PHEX: variants seen among roughly 807,000 people sequenced by gnomAD.
PHEX encodes the protein phosphate-regulating neutral endopeptidase PHEX.
In PHEX, 16 loss-of-function variants were observed where a neutral mutation model predicts 68.0. The observed-to-expected ratio is 0.24, with a 90% CI of 0.16 to 0.36. PHEX has a LOEUF of 0.36. Ranked by LOEUF, PHEX falls within the 10% of genes least tolerant of loss-of-function variation. The pLI is 1.00. For missense variants in PHEX, 480 were observed against 575.5 expected (o/e 0.83, Z 1.70); for synonymous variants, 208 against 205.1 (o/e 1.01, Z -0.12).
chrX:22,229,236 T>C (rs948795779), intron 20 of PHEX, among the ~76,000 whole-genome samples: 5 of 112,155 alleles, frequency 4.5e-5, no homozygotes, highest in African/African-American at 1.3e-4. Context: ...GCATGGTTTA[T>C]AATCCTTTGG....
chrX:22,219,591 C>T (rs148572404), intron 17 of PHEX, among the ~76,000 whole-genome samples: 4,511 of 108,411 alleles, frequency 0.042, 94 homozygotes, highest in Non-Finnish European at 0.051. Flanking sequence ...ATATTTTTCT[C>T]TATACTGGCT....
At chrX:22,193,217 TG>T (rs1363766522) in intron 15 of PHEX, among the ~76,000 whole-genome samples, 2 of 111,338 alleles carry the variant, frequency 1.8e-5, no homozygotes, top group African/African-American at 6.5e-5. Flanking sequence ...GACATTCTAT[TG>T]GGAAATAGAA....
At chrX:22,205,019 G>A (rs1246163669) in intron 15 of PHEX, among the ~76,000 whole-genome samples, 1 of 111,827 alleles carries the variant, frequency 8.9e-6, no homozygotes, top group Non-Finnish European at 1.9e-5. Flanking sequence ...AACTAATAAT[G>A]CAACAGAATG....
intron 1 of PHEX, among the ~76,000 whole-genome samples, chrX:22,035,432 CTGT>C (rs1926962888): frequency 8.9e-6 from 1 of 112,743 alleles, no homozygotes; most frequent in African/African-American, 3.2e-5. Context: ...CTCAATTCTG[CTGT>C]TGTTGCACAA....
intron 13 of PHEX, chrX:22,172,154 C>T (rs1381457483): frequency 1.8e-5 from 2 of 111,924 alleles, no homozygotes; most frequent in Non-Finnish European, 3.8e-5. Context: ...AAATAAAATG[C>T]CCTTTATTTG....
chrX:22,039,228 C>G (rs1301769723), intron 2 of PHEX, among the ~76,000 whole-genome samples: 1 of 112,794 alleles, frequency 8.9e-6, no homozygotes, highest in African/African-American at 3.2e-5. Flanking sequence ...CTTGGCCTCC[C>G]AAAGTGCTGG....
At chrX:22,152,621 G>A (rs1281772340) in intron 12 of PHEX, among the ~76,000 whole-genome samples, 1 of 112,114 alleles carries the variant, frequency 8.9e-6, no homozygotes, top group African/African-American at 3.2e-5. Flanking sequence ...GTGTTGTTGA[G>A]TGGAAGAAGC....
chrX:22,232,543 G>C (rs1446628068), intron 20 of PHEX, among the ~76,000 whole-genome samples: 2 of 83,975 alleles, frequency 2.4e-5, no homozygotes, highest in African/African-American at 8.9e-5. Flanking sequence ...TGTCTCTTTT[G>C]ATCTTTGTTC....
intron 12 of PHEX, among the ~76,000 whole-genome samples, chrX:22,151,043 A>G (rs1024962158): frequency 8.9e-6 from 1 of 111,830 alleles, no homozygotes; most frequent in African/African-American, 3.3e-5. Context: ...CCTGCATTTT[A>G]CAACTCATCT....
chrX:22,245,599 T>TC (rs1336011187), intron 21 of PHEX, among the ~76,000 whole-genome samples, 190 bp downstream of exon 21: 2 of 111,775 alleles, frequency 1.8e-5, no homozygotes, highest in Non-Finnish European at 3.8e-5. Flanking sequence ...TCATTAGTAG[T>TC]AAGCTGGTTT....
chrX:22,061,518 A>G (rs926320047), intron 3 of PHEX, among the ~76,000 whole-genome samples: 7 of 111,915 alleles, frequency 6.3e-5, no homozygotes, highest in African/African-American at 2.3e-4. Flanking sequence ...TTGTAAGAAT[A>G]TGTCACATAG....
intron 3 of PHEX, among the ~76,000 whole-genome samples, chrX:22,069,546 A>G (rs1299361873): frequency 1.8e-5 from 2 of 112,020 alleles, no homozygotes; most frequent in Admixed American, 1.9e-4. Context: ...TTGGTAACCC[A>G]TGATTTAGAA....
intron 12 of PHEX, among the ~76,000 whole-genome samples, chrX:22,134,674 C>T (rs1932160341): frequency 8.9e-6 from 1 of 112,615 alleles, no homozygotes; most frequent in African/African-American, 3.2e-5. Flanking sequence ...GTGGAGCATA[C>T]CTGCTAGACT....
chrX:22,214,983 GATAA>G (rs777856965), intron 16 of PHEX, among the ~76,000 whole-genome samples: 29 of 111,357 alleles, frequency 2.6e-4, no homozygotes, highest in African/African-American at 9.1e-4. Context: ...AAAGGTTTAG[GATAA>G]ATATTCTTTA....
At chrX:22,214,612 C>T (rs1269369272) in intron 16 of PHEX, among the ~76,000 whole-genome samples, 1 of 111,684 alleles carries the variant, frequency 9.0e-6, no homozygotes, top group Non-Finnish European at 1.9e-5. Context: ...TCCTCCAACT[C>T]ACCTTCCATC....
chrX:22,184,374 T>C (rs12009289), intron 14 of PHEX, among the ~76,000 whole-genome samples: 14,385 of 110,315 alleles, frequency 0.13, 1,268 homozygotes, highest in African/African-American at 0.31. Context: ...CGAGTGGGGA[T>C]CATTCTGGAG....
intron 2 of PHEX, among the ~76,000 whole-genome samples, chrX:22,041,290 TATATATATATA>T (rs1255953401): frequency 1.0e-5 from 1 of 99,056 alleles, no homozygotes; most frequent in East Asian, 3.1e-4. Flanking sequence ...TATATATATA[TATATATATATA>T]TTTTAACCAG....
At chrX:22,164,169 G>A (rs1239760156) in intron 12 of PHEX, among the ~76,000 whole-genome samples, 1 of 111,903 alleles carries the variant, frequency 8.9e-6, no homozygotes. Flanking sequence ...CTAACCTGGA[G>A]CCATGGGATA....
At chrX:22,042,572 G>C (rs1329317410) in intron 2 of PHEX, among the ~76,000 whole-genome samples, 1 of 112,322 alleles carries the variant, frequency 8.9e-6, no homozygotes, top group Non-Finnish European at 1.9e-5. Flanking sequence ...ATCACTTCAG[G>C]CCAGGAGTTC....
Sources: allele counts gnomAD v4.1 joint callset (sites outside exome capture counted in the v4.1 genomes callset), GRCh38; gene constraint gnomAD v4.1.1; transcripts MANE v1.5; gene names NCBI Gene and HGNC (gene_info 2026-07-23, HGNC 2026-07-21).